Variants in HLCS observed in about 807,000 individuals in gnomAD.
HLCS encodes the protein holocarboxylase synthetase, also known as biotin--protein ligase.
In HLCS, 53 loss-of-function variants were observed where a neutral mutation model predicts 75.0. The ratio of observed to expected loss-of-function variants is 0.71; its 90% CI spans 0.57 to 0.89. The LOEUF is 0.89. Among genes scored for constraint, HLCS ranks in the 40% least tolerant of loss-of-function variants. HLCS has a pLI of 0.00. For synonymous variants in HLCS, 431 were observed against 428.6 expected (o/e 1.01, Z -0.07); for missense variants, 966 against 1,074.0 (o/e 0.90, Z 1.41).
upstream of HLCS, among the ~76,000 whole-genome samples, chr21:36,970,951 G>A (rs867169361): frequency 6.7e-6 from 1 of 149,730 alleles, no homozygotes; most frequent in African/African-American, 2.5e-5. Context: ...CCAAGATTGC[G>A]CCACTGCACT....
chr21:36,900,165 T>A (rs1453846707), intron 5 of HLCS, among the ~76,000 whole-genome samples: 3 of 151,224 alleles, frequency 2.0e-5, no homozygotes, highest in Non-Finnish European at 2.9e-5. Flanking sequence ...GTAAACACAA[T>A]ACACAGAATG....
intron 5 of HLCS, among the ~76,000 whole-genome samples, chr21:36,902,683 G>A (rs2065286792): frequency 1.3e-5 from 2 of 152,174 alleles, no homozygotes; most frequent in Admixed American, 6.5e-5. Flanking sequence ...TTGAAGTTTG[G>A]GGAGGGAGGA....
At chr21:36,799,192 A>C (rs191307986) in intron 6 of HLCS, among the ~76,000 whole-genome samples, 56 of 152,278 alleles carry the variant, frequency 3.7e-4, no homozygotes, top group African/African-American at 1.3e-3. Flanking sequence ...ATTTTTCCAT[A>C]TGGTGTCATG....
At chr21:36,785,842 C>T (rs1435519297) in intron 6 of HLCS, among the ~76,000 whole-genome samples, 1 of 152,180 alleles carries the variant, frequency 6.6e-6, no homozygotes, top group African/African-American at 2.4e-5. Flanking sequence ...CCACTCCCTC[C>T]CACCTATGAG....
At chr21:36,794,666 G>T (rs1438428132) in intron 6 of HLCS, among the ~76,000 whole-genome samples, 1 of 152,172 alleles carries the variant, frequency 6.6e-6, no homozygotes, top group Non-Finnish European at 1.5e-5. Context: ...TAAGCTAACA[G>T]GGATGAGATA....
chr21:36,927,033 A>G (rs1200042618), intron 5 of HLCS, among the ~76,000 whole-genome samples: 5 of 152,230 alleles, frequency 3.3e-5, no homozygotes, highest in African/African-American at 4.8e-5. Flanking sequence ...GGCTTGAGCC[A>G]CTGCACCTGG....
chr21:36,929,073 C>T (rs1569205122), intron 5 of HLCS, among the ~76,000 whole-genome samples: 1 of 152,226 alleles, frequency 6.6e-6, no homozygotes, highest in Non-Finnish European at 1.5e-5. Context: ...ATCCTAAATA[C>T]ACCAGAAATG....
At chr21:36,830,928 T>C (rs1362197415) in intron 6 of HLCS, among the ~76,000 whole-genome samples, 1 of 151,748 alleles carries the variant, frequency 6.6e-6, no homozygotes, top group African/African-American at 2.4e-5. Context: ...CAGAAAGCCA[T>C]TCCATTTCTT....
chr21:36,959,611 C>G (rs902378127), intron 2 of HLCS, among the ~76,000 whole-genome samples: 1 of 152,180 alleles, frequency 6.6e-6, no homozygotes, highest in Non-Finnish European at 1.5e-5. Flanking sequence ...TTTTCTGGCC[C>G]GCCCATGGCT....
chr21:36,962,793 C>CAAAAAAAAA (rs386394699), intron 1 of HLCS, among the ~76,000 whole-genome samples: 1 of 80,228 alleles, frequency 1.2e-5, no homozygotes, highest in Non-Finnish European at 2.3e-5. Context: ...GACCCTATCT[C>CAAAAAAAAA]AAAAAAAAAA....
At chr21:36,828,116 G>A (rs1330580487) in intron 6 of HLCS, among the ~76,000 whole-genome samples, 1 of 152,092 alleles carries the variant, frequency 6.6e-6, no homozygotes, top group Non-Finnish European at 1.5e-5. Flanking sequence ...CCTGGCCTCA[G>A]TGGCGAGTAT....
At chr21:36,963,548 T>G (rs1346880849) in intron 1 of HLCS, among the ~76,000 whole-genome samples, 1 of 151,802 alleles carries the variant, frequency 6.6e-6, no homozygotes, top group Non-Finnish European at 1.5e-5. Flanking sequence ...AGGTTGGGAA[T>G]TGGAGACCAG....
At chr21:36,982,924 G>A (rs1324970180) in intron 1 of HLCS, among the ~76,000 whole-genome samples, 1 of 152,130 alleles carries the variant, frequency 6.6e-6, no homozygotes, top group Non-Finnish European at 1.5e-5. Context: ...AGCTACTCGG[G>A]AAGCTGAGGC....
At chr21:36,949,088 C>T (rs1261659193) in intron 2 of HLCS, among the ~76,000 whole-genome samples, 1 of 152,210 alleles carries the variant, frequency 6.6e-6, no homozygotes, top group Non-Finnish European at 1.5e-5. Flanking sequence ...CTCATCCCCC[C>T]ATTCCACTGA....
At chr21:36,859,508 A>G (rs1335003027) in intron 6 of HLCS, among the ~76,000 whole-genome samples, 1 of 152,092 alleles carries the variant, frequency 6.6e-6, no homozygotes, top group Admixed American at 6.5e-5. Context: ...ACAAGAGGAG[A>G]GGGGAGCAGG....
rs760492059 is a variant in HLCS at position 36,756,733 on chromosome 21, G to A, written c.2259C>T (p.Asn753=). 2.5e-6 allele frequency: 4 copies of A among 1,614,148 alleles called. No homozygotes were observed. Among genetic ancestry groups the A allele is most frequent in the Non-Finnish European group, 3.4e-6 (4 of 1,180,022 alleles). ...CGTTGATGCAGATGGTAGGGTTACT[G>A]TTAGTCACATTAAATCCACAGCCTG... The part of the protein sequence containing the change: ...ILIGCGFNVT[N]SNPTICINDL... Residue 753 remains asparagine, a synonymous_variant, in exon 10 of 11, where the codon AAC becomes AAT. Transcript: ENST00000674895.
intron 6 of HLCS, among the ~76,000 whole-genome samples, chr21:36,851,411 G>C (rs1403022191): frequency 6.6e-6 from 1 of 152,206 alleles, no homozygotes; most frequent in African/African-American, 2.4e-5. Flanking sequence ...ATTATGCTCA[G>C]TGAAATAAGC....
At position 36,938,833 on chromosome 21, in the gene HLCS, C is replaced by T; in HGVS notation, c.492G>A (p.Val164=). ...MDNGLVPQKI[V]SVHLQDSTLK... is the part of the protein sequence containing the mutation. ...AAAACATTTTCTAAAGTTACTTACACACAATCTTTTGGGGTACCAGTCCAT... is the reference window on the plus strand; with the variant it reads ...AAAACATTTTCTAAAGTTACTTACATACAATCTTTTGGGGTACCAGTCCAT... The change falls in exon 3 of 11, where the codon GTG becomes GTA. Residue 164 remains valine, a splice_region_variant and synonymous_variant. Coordinates refer to ENST00000674895, the MANE Select transcript of HLCS (RefSeq NM_001352514.2). The T allele has an allele frequency of 6.2e-7, 1 of 1,614,022 alleles. No individual in the cohort carries two copies.
At chr21:36,874,908 T>C (rs2146247433) in intron 6 of HLCS, among the ~76,000 whole-genome samples, 1 of 152,188 alleles carries the variant, frequency 6.6e-6, no homozygotes, top group Non-Finnish European at 1.5e-5. Flanking sequence ...GGCTTGGAAG[T>C]GCCTACTCGC....
Sources: gnomAD v4.1 joint callset for allele counts (sites outside exome capture counted in the v4.1 genomes callset) on GRCh38, gnomAD v4.1.1 for gene constraint, MANE v1.5 for transcripts, NCBI Gene and HGNC (gene_info 2026-07-23, HGNC 2026-07-21) for gene names.